The following SGSM1 variants were observed in gnomAD, a reference collection of about 807,000 sequenced individuals.
The protein encoded by SGSM1 is RUN and TBC1 domain containing 2.
In SGSM1, 73 loss-of-function variants were observed where a neutral mutation model predicts 133.8. That is an observed-to-expected ratio of 0.55 (90% CI 0.45 to 0.66). The LOEUF (loss-of-function observed/expected upper bound fraction) is 0.66, where lower values mean the gene tolerates loss of function less well. Ranked by LOEUF, SGSM1 falls within the 30% of genes least tolerant of loss-of-function variation. The pLI is 0.00. For synonymous variants in SGSM1, 563 were observed against 573.0 expected (o/e 0.98, Z 0.25); for missense variants, 1,213 against 1,448.1 (o/e 0.84, Z 2.64).
At chr22:24,895,331 C>T (rs778539322) in intron 18 of SGSM1, 40 bp downstream of exon 18, 1 of 1,588,066 alleles carries the variant, frequency 6.3e-7, no homozygotes. Flanking sequence ...ACCCACTCCT[C>T]TCCCTTCTGC....
In SGSM1 at chr22:24,924,228, C is replaced by T. The variant is rs768990070; in HGVS notation, c.3236C>T (p.Ala1079Val). Reference sequence around the variant, plus strand: ...AACACCAAGCAAGTCCTGAAGCTGGCGCGGGACCTCGTGTACAAGGTGCAG... The same window carrying T: ...AACACCAAGCAAGTCCTGAAGCTGGTGCGGGACCTCGTGTACAAGGTGCAG... The part of the protein sequence containing the change: ...RHNTKQVLKL[A>V]RDLVYKVQTL... The change falls in exon 25 of 25, where the codon GCG becomes GTG. Residue 1079 changes from alanine to valine, a missense_variant. Ala to Val is a moderately conservative substitution (Grantham distance 64). Transcript: ENST00000400358. The T allele has an allele frequency of 6.2e-6, 10 of 1,613,802 alleles. No homozygotes were observed. Among genetic ancestry groups the T allele is most frequent in the Non-Finnish European group, 8.5e-6 (10 of 1,179,894 alleles).
intron 3 of SGSM1, 82 bp from the exon 4 acceptor site, chr22:24,847,552 G>A: frequency 6.6e-7 from 1 of 1,517,396 alleles, no homozygotes; most frequent in African/African-American, 1.4e-5. Context: ...CAAGGTTCCA[G>A]TGTCTGACAG....
intron 9 of SGSM1, 136 bp downstream of exon 9, chr22:24,859,976 C>A: frequency 1.6e-6 from 2 of 1,270,294 alleles, no homozygotes; most frequent in African/African-American, 1.5e-5. Flanking sequence ...GTTAGGACCA[C>A]TTGGCTCAGC....
intron 2 of SGSM1, among the ~76,000 whole-genome samples, chr22:24,823,294 G>GCAA (rs1928589421): frequency 8.9e-6 from 1 of 112,364 alleles, no homozygotes; most frequent in Non-Finnish European, 1.8e-5. Context: ...CACTGAGCAT[G>GCAA]CAGCAAATGT....
intron 23 of SGSM1, 52 bp downstream of exon 23, chr22:24,917,806 T>C: frequency 6.6e-7 from 1 of 1,504,512 alleles, no homozygotes; most frequent in Non-Finnish European, 9.2e-7. Flanking sequence ...AGCAGAACTT[T>C]CAGGGGAAAA....
intron 21 of SGSM1, among the ~76,000 whole-genome samples, chr22:24,910,127 A>C (rs867533196): frequency 1.3e-5 from 2 of 152,216 alleles, no homozygotes; most frequent in Admixed American, 1.3e-4. Context: ...CATTTATATG[A>C]AATGTCCAGA....
At chr22:24,849,564 A>C (rs1930336338) in intron 4 of SGSM1, among the ~76,000 whole-genome samples, 1 of 151,834 alleles carries the variant, frequency 6.6e-6, no homozygotes, top group African/African-American at 2.4e-5. Flanking sequence ...AAACAACAAC[A>C]AAAAAAATGA....
intron 2 of SGSM1, among the ~76,000 whole-genome samples, chr22:24,826,979 A>G (rs182922407): frequency 6.6e-6 from 1 of 150,912 alleles, no homozygotes; most frequent in African/African-American, 2.4e-5. Context: ...TTATGTTTTT[A>G]CCCCCCTAGA....
At chr22:24,818,855 A>G (rs1047204609) in intron 2 of SGSM1, among the ~76,000 whole-genome samples, 1 of 151,926 alleles carries the variant, frequency 6.6e-6, no homozygotes, top group Non-Finnish European at 1.5e-5. Flanking sequence ...TGATAAAAAT[A>G]ACAATAATTG....
chr22:24,867,050 G>A (rs1485186415), intron 9 of SGSM1, 43 bp from the exon 10 acceptor site: 3 of 1,600,016 alleles, frequency 1.9e-6, no homozygotes, highest in South Asian at 2.2e-5. Flanking sequence ...GCACAGTGGG[G>A]TAGGCAGAAG....
At chr22:24,861,300 C>T (rs1202976569) in intron 9 of SGSM1, among the ~76,000 whole-genome samples, 2 of 142,734 alleles carry the variant, frequency 1.4e-5, no homozygotes, top group Admixed American at 7.2e-5. Context: ...TGCAGTGAGC[C>T]GAGATCGCGC....
intron 21 of SGSM1, among the ~76,000 whole-genome samples, chr22:24,905,975 A>C (rs1197624187): frequency 6.6e-6 from 1 of 152,060 alleles, no homozygotes; most frequent in African/African-American, 2.4e-5. Flanking sequence ...AGAAAACTAC[A>C]CACCAATATC....
chr22:24,812,496 A>G (rs943790603), intron 2 of SGSM1, among the ~76,000 whole-genome samples: 2 of 152,268 alleles, frequency 1.3e-5, no homozygotes, highest in African/African-American at 2.4e-5. Context: ...GTGGGCAGCT[A>G]TGAGCTTCAG....
Position 24,879,658 on chromosome 22 carries a change from T to C in SGSM1, c.1495+132T>C, listed in dbSNP as rs1338297497. ...TCCTCTATTCCCTAGATGTCTGGTT[T>C]CAGTGACGTTACATGAACTTCTCTG... On this transcript the variant is annotated intron_variant, in intron 14 of 24. Transcript: ENST00000400358. 3 of 869,716 alleles carry C rather than the reference T, an allele frequency of 3.4e-6. No homozygotes were observed. The Admixed American group carries it at 8.4e-5, about 24-fold the overall frequency. 53.9% of individuals were successfully genotyped at this position (869,716 alleles called of 1,614,324 possible).
chr22:24,919,930 G>T lies in SGSM1; in HGVS notation c.3130G>T (p.Val1044Phe), dbSNP rs1342585446. 6.2e-7 allele frequency: 1 copy of T among 1,613,920 alleles called. No individual in the cohort carries two copies. Among genetic ancestry groups the T allele is most frequent in the South Asian group, 1.1e-5 (1 of 91,050 alleles). Residue 1044 changes from valine (V) to phenylalanine (F), a missense_variant, in exon 24 of 25, where the codon GTC (valine) becomes TTC (phenylalanine). By Grantham distance (50) the Val-to-Phe change is conservative (BLOSUM62 -1). Coordinates refer to ENST00000400358, the MANE Select transcript of SGSM1 (RefSeq NM_001098497.3). ...GTTCATTGCGCTGGCTCTGGTGGAAGTCTACCGTGACATCATTTTGGAGAA... is the reference window on the plus strand; with the variant it reads ...GTTCATTGCGCTGGCTCTGGTGGAATTCTACCGTGACATCATTTTGGAGAA... ...VLFIALALVEVYRDIILENNM... is the reference protein window; with the variant it reads ...VLFIALALVEFYRDIILENNM...
At chr22:24,874,726 C>T (rs1464215753) in intron 12 of SGSM1, 7 of 1,118,602 alleles carry the variant, frequency 6.3e-6, no homozygotes, top group African/African-American at 4.7e-5. Context: ...CCAGCCTCCA[C>T]TCTATGGAAG....
chr22:24,904,249 A>G lies in SGSM1; in HGVS notation c.2736-856A>G, dbSNP rs1176602034. Among the ~76,000 whole-genome samples, 14 of 152,240 alleles carry G rather than the reference A, an allele frequency of 9.2e-5. No homozygotes were observed. The East Asian group carries it at 2.7e-3, about 29-fold the overall frequency. On this transcript the variant is annotated intron_variant, in intron 20 of 24. Transcript: ENST00000400358. ...GGGTGCAATGGCTCATGCCTGTGAA[A>G]TGGGATAGTCCATGTTTCACATGAC...
Position 24,895,311 on chromosome 22 carries a change from GC to G in SGSM1, c.2022+25del, listed in dbSNP as rs750480889. 1.1e-5 allele frequency: 17 copies of G among 1,603,714 alleles called. No individual in the cohort carries two copies. Among genetic ancestry groups the G allele is most frequent in the South Asian group, 1.1e-5 (1 of 88,948 alleles). ...ACACAGGTGACCTTGTGGAGGCCTC[GC>G]CCCCTCCCACCCACTCCTCTCCCTT... On this transcript the variant is annotated intron_variant, in intron 18 of 24. Transcript: ENST00000400358.
chr22:24,836,678 G>A lies in SGSM1; in HGVS notation c.64-8219G>A, dbSNP rs1314324507. 2.6e-5 allele frequency among the ~76,000 whole-genome samples: 4 copies of A among 152,124 alleles called. No individual in the cohort carries two copies. The East Asian group carries it at 7.7e-4, about 29-fold the overall frequency. ...TGGTATCTCATTGTGGTTTTGATTT[G>A]CATTTCCCATTGAACATCTTTCCAT... On this transcript the variant is annotated intron_variant, in intron 2 of 24. Transcript: ENST00000400358.
Sources: gnomAD v4.1 joint callset for allele counts (sites outside exome capture counted in the v4.1 genomes callset) on GRCh38, gnomAD v4.1.1 for gene constraint, MANE v1.5 for transcripts, NCBI Gene and HGNC (gene_info 2026-07-23, HGNC 2026-07-21) for gene names.